Variants in CDKL5 observed in about 807,000 individuals in gnomAD.
The protein encoded by CDKL5 is cyclin-dependent kinase-like 5.
In CDKL5, 8 loss-of-function variants were observed where a neutral mutation model predicts 61.7. That is an observed-to-expected ratio of 0.13 (90% CI 0.08 to 0.23). The LOEUF (loss-of-function observed/expected upper bound fraction) is 0.23. CDKL5 is among the 10% of genes least tolerant of loss of function. The probability of loss-of-function intolerance (pLI) is 1.00; values close to 1 mark genes in which losing one functional copy is unlikely to be tolerated. For missense variants in CDKL5, 440 were observed against 734.5 expected, an observed-to-expected ratio of 0.60 and a Z score of 4.63; for synonymous variants, 275 against 272.3, an observed-to-expected ratio of 1.01 and a Z score of -0.10.
At chrX:18,460,502 T>A (rs761470940) in intron 1 of CDKL5, among the ~76,000 whole-genome samples, 1 of 110,852 alleles carries the variant, frequency 9.0e-6, no homozygotes, top group East Asian at 2.8e-4. Context: ...TTATTTATTA[T>A]TTATTTATTT....
At chrX:18,653,225 T>G (rs898727715) in intron 21 of CDKL5, among the ~76,000 whole-genome samples, 3 of 112,164 alleles carry the variant, frequency 2.7e-5, no homozygotes, top group African/African-American at 9.7e-5. Flanking sequence ...CCTACCCTAT[T>G]TTTTGCTCTC....
chrX:18,605,325 T>C (rs999615991), intron 12 of CDKL5, among the ~76,000 whole-genome samples: 4 of 112,551 alleles, frequency 3.6e-5, no homozygotes, highest in Admixed American at 2.8e-4. Flanking sequence ...TTAAAAGTTT[T>C]AAATTTGTCC....
At chrX:18,624,856 C>G (rs1469872807) in intron 16 of CDKL5, among the ~76,000 whole-genome samples, 1 of 111,842 alleles carries the variant, frequency 8.9e-6, no homozygotes, top group Non-Finnish European at 1.9e-5. Flanking sequence ...AAACTAACAG[C>G]ATGGGAATGC....
chrX:18,510,760 T>C (rs376559686), intron 2 of CDKL5, 60 bp from the exon 3 acceptor site: 2 of 928,586 alleles, frequency 2.2e-6, no homozygotes, highest in African/African-American at 3.8e-5. Context: ...GCAATGTCAG[T>C]ATAGCAGAGC....
At chrX:18,651,220 AGTGTGTGTGTGTGT>A (rs3838188) in intron 21 of CDKL5, among the ~76,000 whole-genome samples, 2 of 65,190 alleles carry the variant, frequency 3.1e-5, no homozygotes, top group African/African-American at 6.3e-5. Context: ...GGCAGGAGCA[AGTGTGTGTGTGTGT>A]GTGTGTGTGT....
intron 3 of CDKL5, among the ~76,000 whole-genome samples, chrX:18,556,101 G>A (rs938759579): frequency 2.7e-5 from 3 of 111,494 alleles, no homozygotes; most frequent in Non-Finnish European, 3.8e-5. Context: ...AATGTATCCT[G>A]TGCTTGAATT....
intron 16 of CDKL5, among the ~76,000 whole-genome samples, chrX:18,623,584 G>A (rs758549733): frequency 9.0e-6 from 1 of 111,587 alleles, no homozygotes; most frequent in South Asian, 3.8e-4. Context: ...ATTATTTAAC[G>A]TTTTATAAGC....
intron 4 of CDKL5, among the ~76,000 whole-genome samples, chrX:18,567,734 A>C (rs1328601173): frequency 9.0e-6 from 1 of 111,489 alleles, no homozygotes; most frequent in Admixed American, 9.5e-5. Context: ...TTTTTAAAAA[A>C]ATTAGCCAGG....
At position 18,630,104 on chromosome X, in the gene CDKL5, A is replaced by C; in HGVS notation, c.*1347A>C. On this transcript the variant is annotated 3_prime_UTR_variant, in exon 18 of 18. Transcript: ENST00000623535. ...CCATATTTAAAAGGCTCCTGGAGCA[A>C]TTCCAGATAGATAAAAAATTACTCT... 1.3e-6 allele frequency: 1 copy of C among 754,135 alleles called. No individual in the cohort carries two copies. The highest frequency in any genetic ancestry group is 1.6e-6 in the Non-Finnish European group (1 of 639,276). The allele number at this position is 754,135 out of a possible 1,213,427, so 62.1% of individuals were successfully genotyped here.
chrX:18,432,099 C>CTTT (rs139849633), intron 1 of CDKL5, among the ~76,000 whole-genome samples: 2 of 90,251 alleles, frequency 2.2e-5, no homozygotes, highest in Non-Finnish European at 4.4e-5. Context: ...TTCTTTCTTT[C>CTTT]TTTTTTTTTT....
chrX:18,647,177 C>G lies in CDKL5; in HGVS notation c.2797+1087C>G, dbSNP rs370841048. On this transcript the variant is annotated intron_variant, in intron 20 of 21. Transcript: ENST00000379989. ...TTAAAAGCACATGAAAAAAAATCCC[C>G]GGGCCCTGCTTACCCAAAGCCTTGA... 48 of 1,210,176 alleles carry G rather than the reference C, an allele frequency of 4.0e-5. No individual in the cohort carries two copies. The highest frequency in any genetic ancestry group is 5.1e-5 in the Non-Finnish European group (46 of 894,955).
Position 18,459,953 on chromosome X carries a change from A to C in CDKL5, c.-163+34258A>C, listed in dbSNP as rs1174698070. ...AATGGCACGATCTCGGCTCACTGCAACCTCTGCCTCCTGGGTTCAAGCGAT... is the reference window on the plus strand; with the variant it reads ...AATGGCACGATCTCGGCTCACTGCACCCTCTGCCTCCTGGGTTCAAGCGAT... On this transcript the variant is annotated intron_variant, in intron 1 of 17. Transcript: ENST00000623535. Among the ~76,000 whole-genome samples the C allele has an allele frequency of 2.8e-5, 3 of 108,355 alleles. No homozygotes were observed. In the East Asian group the frequency reaches 8.8e-4, roughly 32 times the overall value. 94.1% of individuals were successfully genotyped at this position (108,355 alleles called of 115,157 possible). A position where few individuals can be genotyped will look rare whatever the true frequency, so the allele number is the denominator to read the frequency against.
intron 15 of CDKL5, among the ~76,000 whole-genome samples, chrX:18,617,263 G>T (rs974521738): frequency 9.0e-6 from 1 of 111,581 alleles, no homozygotes; most frequent in Non-Finnish European, 1.9e-5. Context: ...CCCTCCTCCC[G>T]TACTGTTTTG....
In CDKL5 at chrX:18,506,994, G is replaced by A. The variant is rs1922599565; in HGVS notation, c.-103G>A. ...TGTGAAAGTTCCCACCAACCAGTGAGAATTTCTTCCTTCAGACGGTTTTGG... is the reference window on the plus strand; with the variant it reads ...TGTGAAAGTTCCCACCAACCAGTGAAAATTTCTTCCTTCAGACGGTTTTGG... On this transcript the variant is annotated 5_prime_UTR_variant, in exon 2 of 18. Coordinates refer to ENST00000623535, the MANE Select transcript of CDKL5 (RefSeq NM_001323289.2). 4 of 594,419 alleles carry A rather than the reference G, an allele frequency of 6.7e-6. No individual in the cohort carries two copies. The highest frequency in any genetic ancestry group is 4.4e-5 in the African/African-American group (2 of 45,112). 49.0% of individuals were successfully genotyped at this position (594,419 alleles called of 1,213,427 possible).
chrX:18,584,775 A>C (rs1925590317), intron 8 of CDKL5, among the ~76,000 whole-genome samples: 1 of 112,038 alleles, frequency 8.9e-6, no homozygotes, highest in Non-Finnish European at 1.9e-5. Flanking sequence ...GTAAGCCCCA[A>C]AGCAACAGCA....
At chrX:18,497,301 A>G (rs1457090730) in intron 1 of CDKL5, 1 of 111,674 alleles carries the variant, frequency 9.0e-6, no homozygotes, top group Admixed American at 9.6e-5. Context: ...GTCTTCAGAC[A>G]TTTGGATGTC....
At chrX:18,510,019 A>G (rs1249379292) in intron 2 of CDKL5, among the ~76,000 whole-genome samples, 3 of 91,153 alleles carry the variant, frequency 3.3e-5, no homozygotes, top group African/African-American at 9.0e-5. Flanking sequence ...AACAAAACAG[A>G]AAAAAAAAAA....
intron 1 of CDKL5, among the ~76,000 whole-genome samples, chrX:18,474,993 C>T (rs1324056887): frequency 2.8e-5 from 3 of 107,197 alleles, no homozygotes; most frequent in Non-Finnish European, 3.8e-5. Context: ...GAGGCTCACT[C>T]TGTTGCCCAG....
intron 1 of CDKL5, among the ~76,000 whole-genome samples, chrX:18,457,157 C>T (rs1018563336): frequency 4.5e-5 from 5 of 110,580 alleles, no homozygotes; most frequent in African/African-American, 6.6e-5. Context: ...CTCTTCTAGA[C>T]TTGCCTTTTT....
Sources: gnomAD v4.1 joint callset for allele counts (sites outside exome capture counted in the v4.1 genomes callset) on GRCh38, gnomAD v4.1.1 for gene constraint, MANE v1.5 for transcripts, NCBI Gene and HGNC (gene_info 2026-07-23, HGNC 2026-07-21) for gene names.